Variants in ATMIN observed in about 807,000 individuals in gnomAD.
ATMIN encodes ATM INteracting protein.
In ATMIN, 24 loss-of-function variants were observed where a neutral mutation model predicts 49.2. The ratio of observed to expected loss-of-function variants is 0.49; its 90% CI spans 0.35 to 0.69. The LOEUF (loss-of-function observed/expected upper bound fraction) is 0.69, where lower values mean the gene tolerates loss of function less well. Ranked by LOEUF, ATMIN falls within the 30% of genes least tolerant of loss-of-function variation. ATMIN has a pLI of 0.00. For missense variants in ATMIN, 1,037 were observed against 1,005.5 expected (o/e 1.03, Z -0.42); for synonymous variants, 450 against 392.5 (o/e 1.15, Z -1.73).
At position 81,043,176 on chromosome 16, in the gene ATMIN, G is replaced by T; in HGVS notation, c.678G>T (p.Lys226Asn). 6.2e-7 allele frequency: 1 copy of T among 1,601,334 alleles called. No homozygotes were observed. Reference sequence around the variant, plus strand: ...TTGTTTTCAGGGACCCACCTAGTAAGAAAAGGAAAATGGAAAACTGTGCAC... The same window carrying T: ...TTGTTTTCAGGGACCCACCTAGTAATAAAAGGAAAATGGAAAACTGTGCAC... ...IPAEHRDPPS[K>N]KRKMENCAQN... is the part of the protein sequence containing the mutation. The change falls in exon 4 of 4, where the codon AAG (lysine) becomes AAT (asparagine). Residue 226 changes from lysine (K) to asparagine (N), a missense_variant. Physicochemically the swap from Lys to Asn is moderately conservative, Grantham distance 94. Coordinates refer to ENST00000299575, the MANE Select transcript of ATMIN (RefSeq NM_015251.3).
chr16:81,037,400 C>T (rs1458929605), intron 1 of ATMIN: 1 of 985,450 alleles, frequency 1.0e-6, no homozygotes, highest in Non-Finnish European at 1.2e-6. Flanking sequence ...GTGATCTGCT[C>T]TTACCACCAT....
Position 81,044,637 on chromosome 16 carries a change from C to T in ATMIN, c.2139C>T (p.Asp713=), listed in dbSNP as rs761720073. 4.3e-6 allele frequency: 7 copies of T among 1,614,086 alleles called. No individual in the cohort carries two copies. Among genetic ancestry groups the T allele is most frequent in the Non-Finnish European group, 5.9e-6 (7 of 1,180,050 alleles). ...AGACAGACTTAAACTTTTTCTTAGA[C>T]AGTAGCCCTCATCTGCCTCTGGGAA... ...QTQTDLNFFL[D]SSPHLPLGSI... is the part of the protein sequence containing the mutation. The change falls in exon 4 of 4, where the codon GAC becomes GAT. Residue 713 remains aspartate (D), a synonymous_variant. Coordinates refer to ENST00000299575, the MANE Select transcript of ATMIN (RefSeq NM_015251.3).
In ATMIN at chr16:81,044,849, A is replaced by G. The variant is rs1335460241; in HGVS notation, c.2351A>G (p.Glu784Gly). 1.9e-6 allele frequency: 3 copies of G among 1,614,212 alleles called. No homozygotes were observed. The East Asian group carries it at 6.7e-5, about 36-fold the overall frequency. The change falls in exon 4 of 4, where the codon GAA becomes GGA. Residue 784 changes from glutamate to glycine, a missense_variant. Coordinates refer to ENST00000299575, the MANE Select transcript of ATMIN (RefSeq NM_015251.3). ...GGGAGCTTGTTCTTCACCAGCAACG[A>G]AACTCAGACAGCAATGGATGACTTT... ...TLGSLFFTSN[E>G]TQTAMDDFLL...
chr16:81,038,430 C>T (rs1258859778), intron 1 of ATMIN, among the ~76,000 whole-genome samples: 2 of 152,154 alleles, frequency 1.3e-5, no homozygotes, highest in East Asian at 1.9e-4. Flanking sequence ...TGTGCCCAGC[C>T]AGGGCAAACT....
chr16:81,037,364 T>C, intron 1 of ATMIN: 1 of 985,468 alleles, frequency 1.0e-6, no homozygotes, highest in Non-Finnish European at 1.2e-6. Context: ...TAGTCTCTAG[T>C]AGGACAGATG....
In ATMIN at chr16:81,041,049, C is replaced by T. The variant is rs1971028560; in HGVS notation, c.337-307C>T. 4 of 279,918 alleles carry T rather than the reference C, an allele frequency of 1.4e-5. 1 individual carries two copies. The highest frequency in any genetic ancestry group is 1.1e-4 in the South Asian group (3 of 26,158). The allele number at this position is 279,918 out of a possible 1,614,324, so 17.3% of individuals were successfully genotyped here. A position where few individuals can be genotyped will look rare whatever the true frequency, so the allele number is the denominator to read the frequency against. On this transcript the variant is annotated intron_variant, in intron 1 of 3. Coordinates refer to ENST00000299575, the MANE Select transcript of ATMIN (RefSeq NM_015251.3). The stretch of plus-strand genomic sequence containing the variant: ...CAGGAATCTTGTAGTGATCCTAATC[C>T]GTGGTTTTCTGGAGCATTTCACAGC...
Position 81,042,266 on chromosome 16 carries a change from C to A in ATMIN, c.463-15C>A. ...TTGCTGTTTTTCACCTTAGTCCCTT[C>A]TGCGTTCCTCCTAGCACTTTATGAA... On this transcript the variant is annotated splice_polypyrimidine_tract_variant and intron_variant, in intron 2 of 3. Coordinates refer to ENST00000299575, the MANE Select transcript of ATMIN (RefSeq NM_015251.3). 1 of 1,611,854 alleles carries A rather than the reference C, an allele frequency of 6.2e-7. No individual in the cohort carries two copies. Among genetic ancestry groups the A allele is most frequent in the Non-Finnish European group, 8.5e-7 (1 of 1,179,516 alleles).
At position 81,035,996 on chromosome 16, in the gene ATMIN, C is replaced by T. The variant is rs182059505; in HGVS notation, c.126C>T (p.Pro42=). 5,574 of 1,123,192 alleles carry T rather than the reference C, an allele frequency of 5.0e-3. 178 individuals carry two copies. The African/African-American group carries it at 0.08, about 16-fold the overall frequency. 69.6% of individuals were successfully genotyped at this position (1,123,192 alleles called of 1,614,324 possible). A position where few individuals can be genotyped will look rare whatever the true frequency, so the allele number is the denominator to read the frequency against. The change falls in exon 1 of 4, where the codon CCC becomes CCT. Residue 42 remains proline, a synonymous_variant. Coordinates refer to ENST00000299575, the MANE Select transcript of ATMIN (RefSeq NM_015251.3). The stretch of plus-strand genomic sequence containing the variant: ...CGGGCCCGTGGGTGCCCCCGGGACC[C>T]CGACTGAGGGGCAGCCGGCCGCGGC... The part of the protein sequence containing the change: ...AASGPWVPPG[P]RLRGSRPRPA...
In ATMIN at chr16:81,036,007, G is replaced by A; in HGVS notation, c.137G>A (p.Gly46Asp). ...GTGCCCCCGGGACCCCGACTGAGGGGCAGCCGGCCGCGGCCCGCGGGGGCG... is the reference window on the plus strand; with the variant it reads ...GTGCCCCCGGGACCCCGACTGAGGGACAGCCGGCCGCGGCCCGCGGGGGCG... Reference protein sequence around the residue: ...PWVPPGPRLRGSRPRPAGATQ... With the variant: ...PWVPPGPRLRDSRPRPAGATQ... Residue 46 changes from glycine to aspartate, a missense_variant, in exon 1 of 4, where the codon GGC (glycine) becomes GAC (aspartate). By Grantham distance (94) the Gly-to-Asp change is moderately conservative (BLOSUM62 -1). Coordinates refer to ENST00000299575, the MANE Select transcript of ATMIN (RefSeq NM_015251.3). 1 of 1,140,246 alleles carries A rather than the reference G, an allele frequency of 8.8e-7. No individual in the cohort carries two copies. Among genetic ancestry groups the A allele is most frequent in the South Asian group, 4.1e-5 (1 of 24,176 alleles). 70.6% of individuals were successfully genotyped at this position (1,140,246 alleles called of 1,614,324 possible).
rs780329253 is a variant in ATMIN, at chr16:81,036,191, G to C, written c.321G>C (p.Lys107Asn). ...NSPALNMHLV[K>N]SHRLQDGIVN... ...CCGCGCTCAACATGCACCTAGTCAA[G>C]AGCCACCGCCTGCAGGTGAGCCCGA... The change falls in exon 1 of 4, where the codon AAG (lysine) becomes AAC (asparagine). Residue 107 changes from lysine (K) to asparagine (N), a missense_variant. By Grantham distance (94) the Lys-to-Asn change is moderately conservative. Transcript: ENST00000299575. 6.9e-7 allele frequency: 1 copy of C among 1,456,024 alleles called. No individual in the cohort carries two copies. Among genetic ancestry groups the C allele is most frequent in the South Asian group, 1.3e-5 (1 of 79,902 alleles). The allele number at this position is 1,456,024 out of a possible 1,614,324, so 90.2% of individuals were successfully genotyped here.
chr16:81,035,852 GGGCGGCCGTGCGGGAGCCAT>G lies in ATMIN; in HGVS notation c.-11_9del, dbSNP rs1970914619. ...GGGGGCGGGGCCTACGAACTGGGCC[GGGCGGCCGTGCGGGAGCCAT>G]GGCGGCCTCGGAGGCGGCGGCGGCG... is the stretch of plus-strand genomic sequence containing the variant. On this transcript the variant is annotated start_lost and 5_prime_UTR_variant, in exon 1 of 4. Coordinates refer to ENST00000299575, the MANE Select transcript of ATMIN (RefSeq NM_015251.3). The G allele has an allele frequency of 1.2e-6, 1 of 800,792 alleles. No homozygotes were observed. The highest frequency in any genetic ancestry group is 1.9e-5 in the African/African-American group (1 of 53,330). The allele number at this position is 800,792 out of a possible 1,614,324, so 49.6% of individuals were successfully genotyped here.
rs1970918951 is a variant in ATMIN at position 81,035,927 on chromosome 16, C to T, written c.57C>T (p.Ala19=). 3.0e-6 allele frequency: 3 copies of T among 991,588 alleles called. No homozygotes were observed. Among genetic ancestry groups the T allele is most frequent in the Non-Finnish European group, 2.4e-6 (2 of 835,562 alleles). The allele number at this position is 991,588 out of a possible 1,614,324, so 61.4% of individuals were successfully genotyped here. A position where few individuals can be genotyped will look rare whatever the true frequency, so the allele number is the denominator to read the frequency against. Residue 19 remains alanine, a synonymous_variant, in exon 1 of 4, where the codon GCC becomes GCT. Coordinates refer to ENST00000299575, the MANE Select transcript of ATMIN (RefSeq NM_015251.3). ...AAGSAALAAG[A]RAVPAATTGA... Reference sequence around the variant, plus strand: ...GGTCCGCGGCTCTGGCGGCGGGTGCCCGGGCCGTCCCGGCGGCCACGACAG... The same window carrying T: ...GGTCCGCGGCTCTGGCGGCGGGTGCTCGGGCCGTCCCGGCGGCCACGACAG...
chr16:81,039,142 A>C (rs1258636280), intron 1 of ATMIN, among the ~76,000 whole-genome samples: 2 of 152,126 alleles, frequency 1.3e-5, no homozygotes, highest in African/African-American at 4.8e-5. Context: ...GGAAGAAGGT[A>C]GGGGTAAGGA....
At chr16:81,037,245 T>C in intron 1 of ATMIN, 4 of 985,476 alleles carry the variant, frequency 4.1e-6, no homozygotes, top group Non-Finnish European at 4.8e-6. Context: ...TGCGAATATG[T>C]AGCTTTTGAT....
At chr16:81,038,864 C>T (rs1467693378) in intron 1 of ATMIN, among the ~76,000 whole-genome samples, 3 of 152,174 alleles carry the variant, frequency 2.0e-5, no homozygotes, top group African/African-American at 4.8e-5. Flanking sequence ...GGCATGATCT[C>T]GGCTCACTGC....
chr16:81,041,606 C>G, intron 2 of ATMIN, 125 bp downstream of exon 2: 1 of 1,283,614 alleles, frequency 7.8e-7, no homozygotes, highest in Non-Finnish European at 1.1e-6. Context: ...TGCGTGTCTC[C>G]CAGTTGGTAT....
intron 1 of ATMIN, 95 bp from the exon 2 acceptor site, chr16:81,041,261 C>A: frequency 7.4e-7 from 1 of 1,357,016 alleles, no homozygotes; most frequent in Non-Finnish European, 1.0e-6. Context: ...AAAAGTATTT[C>A]ACAAAATGTG....
chr16:81,038,778 G>A (rs1195921242), intron 1 of ATMIN, among the ~76,000 whole-genome samples: 2 of 151,974 alleles, frequency 1.3e-5, no homozygotes, highest in Non-Finnish European at 2.9e-5. Flanking sequence ...CTGCCACCAT[G>A]CCCTGCCTCA....
rs1250897722 is a variant in ATMIN, at chr16:81,036,051, C to A, written c.181C>A (p.Pro61Thr). Residue 61 changes from proline (P) to threonine (T), a missense_variant, in exon 1 of 4, where the codon CCC (proline) becomes ACC (threonine). Pro to Thr is a conservative substitution (Grantham distance 38). Coordinates refer to ENST00000299575, the MANE Select transcript of ATMIN (RefSeq NM_015251.3). ...GGGGGCGACGCAGCAGCCCGCTGTC[C>A]CCGCGCCGCCGGCGGGGGAGCTGAT... The part of the protein sequence containing the change: ...PAGATQQPAV[P>T]APPAGELIQP... 8.0e-7 allele frequency: 1 copy of A among 1,255,696 alleles called. No homozygotes were observed. The highest frequency in any genetic ancestry group is 1.0e-6 in the Non-Finnish European group (1 of 992,252). 77.8% of individuals were successfully genotyped at this position (1,255,696 alleles called of 1,614,324 possible).
Sources: gnomAD v4.1 joint callset for allele counts (sites outside exome capture counted in the v4.1 genomes callset) on GRCh38, gnomAD v4.1.1 for gene constraint, MANE v1.5 for transcripts, NCBI Gene and HGNC (gene_info 2026-07-23, HGNC 2026-07-21) for gene names.